The following RXFP1 variants were observed in gnomAD, a reference collection of about 807,000 sequenced individuals.
The protein encoded by RXFP1 is relaxin family peptide receptor 1, also known as relaxin receptor 1.
RXFP1 carries 73 observed loss-of-function variants against 89.8 expected under a neutral mutation model. That is an observed-to-expected ratio of 0.81 (90% confidence interval 0.67 to 0.99). The LOEUF (loss-of-function observed/expected upper bound fraction) is 0.99. Among genes scored for constraint, RXFP1 ranks in the 50% least tolerant of loss-of-function variants. RXFP1 has a pLI of 0.00. For missense variants in RXFP1, 793 were observed against 895.5 expected, an observed-to-expected ratio of 0.89 and a Z score of 1.46; for synonymous variants, 277 against 305.5, an observed-to-expected ratio of 0.91 and a Z score of 0.97.
intron 14 of RXFP1, among the ~76,000 whole-genome samples, chr4:158,641,502 A>G (rs2150241554): frequency 6.6e-6 from 1 of 152,356 alleles, no homozygotes; most frequent in South Asian, 2.1e-4. Context: ...TGATAAAAGC[A>G]AAACTTCAGC....
At chr4:158,534,231 G>A (rs910354629) in intron 1 of RXFP1, among the ~76,000 whole-genome samples, 1 of 138,324 alleles carries the variant, frequency 7.2e-6, no homozygotes, top group Non-Finnish European at 1.5e-5. Context: ...CTAGATCAAT[G>A]TTATGATATT....
intron 6 of RXFP1, among the ~76,000 whole-genome samples, chr4:158,611,201 C>T (rs936014016): frequency 6.6e-6 from 1 of 152,176 alleles, no homozygotes; most frequent in African/African-American, 2.4e-5. Context: ...TACAGGAATT[C>T]ACTGCTTGCT....
intron 11 of RXFP1, among the ~76,000 whole-genome samples, chr4:158,631,353 A>G (rs929360876): frequency 6.6e-6 from 1 of 152,258 alleles, no homozygotes; most frequent in Non-Finnish European, 1.5e-5. Context: ...AGATAGACTC[A>G]GTGTATTCAT....
chr4:158,593,602 A>G lies in RXFP1; in HGVS notation c.286+103A>G, dbSNP rs1759963629. The G allele has an allele frequency of 5.0e-6, 3 of 595,340 alleles. No homozygotes were observed. The East Asian group carries it at 9.3e-5, about 18-fold the overall frequency. The allele number at this position is 595,340 out of a possible 1,614,324, so 36.9% of individuals were successfully genotyped here. On this transcript the variant is annotated intron_variant, in intron 3 of 17. Coordinates refer to ENST00000307765, the MANE Select transcript of RXFP1 (RefSeq NM_021634.4). Reference sequence around the variant, plus strand: ...AAAAAAGATTGCATCTCAATCTGGAAATCAGTTTTAATTAAAGAAACTTAA... The same window carrying G: ...AAAAAAGATTGCATCTCAATCTGGAGATCAGTTTTAATTAAAGAAACTTAA...
At position 158,539,974 on chromosome 4, in the gene RXFP1, T is replaced by C. The variant is rs78494602; in HGVS notation, c.49+17949T>C. On this transcript the variant is annotated intron_variant, in intron 1 of 17. Coordinates refer to ENST00000307765, the MANE Select transcript of RXFP1 (RefSeq NM_021634.4). ...GGTTTAGAAAAAAGGGAAATTGTCA[T>C]CTAATACTGAGACTTCTGTGAAAGG... 2.7e-3 allele frequency among the ~76,000 whole-genome samples: 411 copies of C among 152,328 alleles called. 5 individuals carry two copies. The highest frequency in any genetic ancestry group is 9.6e-3 in the African/African-American group (397 of 41,564).
chr4:158,601,450 T>C (rs910912575), intron 4 of RXFP1, among the ~76,000 whole-genome samples: 2 of 152,192 alleles, frequency 1.3e-5, no homozygotes, highest in African/African-American at 2.4e-5. Context: ...TTTGGAGATA[T>C]AGGAATAAAG....
intron 2 of RXFP1, among the ~76,000 whole-genome samples, chr4:158,583,256 A>C (rs1412571106): frequency 2.0e-5 from 3 of 152,236 alleles, no homozygotes; most frequent in Non-Finnish European, 4.4e-5. Flanking sequence ...AAAATTTTCA[A>C]TTGGTCCTGT....
intron 1 of RXFP1, among the ~76,000 whole-genome samples, chr4:158,546,997 T>C (rs1217403290): frequency 2.6e-5 from 4 of 152,114 alleles, no homozygotes; most frequent in African/African-American, 9.7e-5. Flanking sequence ...TCTTTTTCTA[T>C]TGATTGGAAT....
chr4:158,558,281 C>T (rs1561007259), intron 1 of RXFP1, among the ~76,000 whole-genome samples: 1 of 152,196 alleles, frequency 6.6e-6, no homozygotes, highest in Non-Finnish European at 1.5e-5. Flanking sequence ...CAAATGCACA[C>T]ACAGCCGGGA....
chr4:158,542,079 C>CTATATATATATATATATATATATA (rs1553993932), intron 1 of RXFP1, among the ~76,000 whole-genome samples: 1 of 29,822 alleles, frequency 3.4e-5, no homozygotes, highest in Non-Finnish European at 7.0e-5. Flanking sequence ...GCCACCATGG[C>CTATATATATATATATATATATATA]TATATATATA....
intron 14 of RXFP1, among the ~76,000 whole-genome samples, chr4:158,642,934 T>C (rs1007064070): frequency 6.6e-6 from 1 of 152,168 alleles, no homozygotes; most frequent in Non-Finnish European, 1.5e-5. Flanking sequence ...AGGGTTTTAA[T>C]ACAGTAGCTT....
chr4:158,580,751 G>T (rs1757189360), intron 2 of RXFP1, among the ~76,000 whole-genome samples: 1 of 152,084 alleles, frequency 6.6e-6, no homozygotes, highest in African/African-American at 2.4e-5. Context: ...AATATTTTAG[G>T]TTTGAAAAGA....
intron 4 of RXFP1, among the ~76,000 whole-genome samples, chr4:158,603,713 A>C (rs1485892373): frequency 1.3e-5 from 2 of 151,828 alleles, no homozygotes; most frequent in Non-Finnish European, 2.9e-5. Context: ...AACATGGTGA[A>C]ACCCCATCTG....
At chr4:158,567,197 C>T (rs1579666972) in intron 1 of RXFP1, among the ~76,000 whole-genome samples, 1 of 152,186 alleles carries the variant, frequency 6.6e-6, no homozygotes, top group Non-Finnish European at 1.5e-5. Flanking sequence ...CCGCCTTGGG[C>T]TCCTGCACAG....
chr4:158,586,490 C>G (rs17219611), intron 2 of RXFP1, among the ~76,000 whole-genome samples: 3 of 151,992 alleles, frequency 2.0e-5, no homozygotes, highest in Non-Finnish European at 1.5e-5. Context: ...TAGACTGCCT[C>G]GAGATAAATC....
chr4:158,632,013 G>T (rs1476573466), intron 11 of RXFP1, among the ~76,000 whole-genome samples: 2 of 152,110 alleles, frequency 1.3e-5, no homozygotes, highest in African/African-American at 4.8e-5. Context: ...GCATGCTTAA[G>T]CCCGGGAGGT....
Position 158,628,629 on chromosome 4 carries a change from T to C in RXFP1, c.828-9T>C. 1.4e-6 allele frequency: 2 copies of C among 1,430,800 alleles called. No homozygotes were observed. The highest frequency in any genetic ancestry group is 2.0e-6 in the Non-Finnish European group (2 of 1,021,826). The allele number at this position is 1,430,800 out of a possible 1,614,324, so 88.6% of individuals were successfully genotyped here. A position where few individuals can be genotyped will look rare whatever the true frequency, so the allele number is the denominator to read the frequency against. ...AGAAGTTACAATGTATTTTTCTTTT[T>C]ACTTTCAGAGTGATGAGGAAAAACA... On this transcript the variant is annotated splice_polypyrimidine_tract_variant and intron_variant, in intron 10 of 17. Coordinates refer to ENST00000307765, the MANE Select transcript of RXFP1 (RefSeq NM_021634.4).
chr4:158,540,965 G>A (rs1004756618), intron 1 of RXFP1, among the ~76,000 whole-genome samples: 4 of 152,140 alleles, frequency 2.6e-5, no homozygotes, highest in South Asian at 2.1e-4. Flanking sequence ...TAAACTTACC[G>A]GCAAGTAGAT....
chr4:158,542,230 G>C (rs1040165781), intron 1 of RXFP1, among the ~76,000 whole-genome samples: 1 of 150,466 alleles, frequency 6.6e-6, no homozygotes, highest in Non-Finnish European at 1.5e-5. Context: ...GAATCACTGC[G>C]CCTGGCCCAG....
Sources: gnomAD v4.1 joint callset for allele counts (sites outside exome capture counted in the v4.1 genomes callset) on GRCh38, gnomAD v4.1.1 for gene constraint, MANE v1.5 for transcripts, NCBI Gene and HGNC (gene_info 2026-07-23, HGNC 2026-07-21) for gene names.